Variants in CBX1 observed in about 807,000 individuals in gnomAD.
The protein encoded by CBX1 is chromobox 1, also known as chromobox protein homolog 1.
A neutral mutation model predicts 25.1 loss-of-function variants in CBX1; 10 were observed. The ratio of observed to expected loss-of-function variants is 0.40; its 90% CI spans 0.25 to 0.68. The LOEUF (loss-of-function observed/expected upper bound fraction) is 0.68, where lower values mean the gene tolerates loss of function less well. Ranked by LOEUF, CBX1 falls within the 30% of genes least tolerant of loss-of-function variation. CBX1 has a pLI of 0.40. For synonymous variants in CBX1, 63 were observed against 79.4 expected (o/e 0.79, Z 1.10); for missense variants, 106 against 218.5 (o/e 0.49, Z 3.25).
rs28640940 is a variant in CBX1, at chr17:48,077,445, G to T, written c.-37-404C>A. Among the ~76,000 whole-genome samples, 272 of 52,348 alleles carry T rather than the reference G, an allele frequency of 5.2e-3. 7 individuals are homozygous for T. Among genetic ancestry groups the T allele is most frequent in the Middle Eastern group, 0.023 (2 of 86 alleles). The allele number at this position is 52,348 out of a possible 152,430, so 34.3% of individuals were successfully genotyped here. On this transcript the variant is annotated intron_variant, in intron 1 of 4. Transcript: ENST00000225603. ...GCTAATTTTTGTTGTTTTTTTTTTT[G>T]TTTTTTTTGTTTTTTTTTTTTTAGT...
At chr17:48,092,798 T>C (rs943707689) in intron 1 of CBX1, among the ~76,000 whole-genome samples, 1 of 151,280 alleles carries the variant, frequency 6.6e-6, no homozygotes, top group Non-Finnish European at 1.5e-5. Flanking sequence ...AGGCCGGGCA[T>C]GGTGGCTCAG....
intron 2 of CBX1, 135 bp from the exon 3 acceptor site, chr17:48,076,313 T>C (rs2037674265): frequency 3.2e-6 from 2 of 619,560 alleles, no homozygotes; most frequent in Non-Finnish European, 2.6e-6. Context: ...AGCTTTTTAG[T>C]ATAAATAGAA....
In CBX1 at chr17:48,071,321, C is replaced by A. The variant is rs1174529365; in HGVS notation, c.*114G>T. ...CTGCAGGGCACAGAAACTATACTGGCTCTTCAAAGGACATCTTCTCAAGCC... is the reference window on the plus strand; with the variant it reads ...CTGCAGGGCACAGAAACTATACTGGATCTTCAAAGGACATCTTCTCAAGCC... On this transcript the variant is annotated 3_prime_UTR_variant, in exon 5 of 5. Transcript: ENST00000225603. The A allele has an allele frequency of 5.6e-6, 6 of 1,066,168 alleles. No individual in the cohort carries two copies. The highest frequency in any genetic ancestry group is 2.7e-6 in the Non-Finnish European group (2 of 748,380). 66.0% of individuals were successfully genotyped at this position (1,066,168 alleles called of 1,614,324 possible).
intron 1 of CBX1, among the ~76,000 whole-genome samples, chr17:48,097,607 A>T (rs1373529038): frequency 6.8e-6 from 1 of 147,980 alleles, no homozygotes; most frequent in Non-Finnish European, 1.5e-5. Context: ...ACAGAGCGAG[A>T]CTCTGTCTCA....
At chr17:48,092,077 G>A (rs1243578129) in intron 1 of CBX1, among the ~76,000 whole-genome samples, 1 of 129,998 alleles carries the variant, frequency 7.7e-6, no homozygotes, top group Non-Finnish European at 1.5e-5. Context: ...CACAACCTTC[G>A]CCTCCCAGGT....
chr17:48,082,501 C>CAAAAAAAA (rs572999255), intron 1 of CBX1, among the ~76,000 whole-genome samples: 1 of 53,752 alleles, frequency 1.9e-5, no homozygotes, highest in Non-Finnish European at 3.2e-5. Context: ...GACTCCATCT[C>CAAAAAAAA]AAAAAAAAAA....
intron 1 of CBX1, among the ~76,000 whole-genome samples, chr17:48,090,343 T>C (rs1179606855): frequency 1.3e-5 from 2 of 152,200 alleles, no homozygotes; most frequent in African/African-American, 4.8e-5. Context: ...ATATATTTTT[T>C]TCTAGCCAAT....
chr17:48,075,909 A>G, intron 3 of CBX1, 92 bp downstream of exon 3: 1 of 947,468 alleles, frequency 1.1e-6, no homozygotes, highest in Non-Finnish European at 1.6e-6. Flanking sequence ...CTAAGAAGAG[A>G]CAGCTGCTAA....
At chr17:48,098,886 G>T (rs2063391187) in intron 1 of CBX1, among the ~76,000 whole-genome samples, 1 of 152,052 alleles carries the variant, frequency 6.6e-6, no homozygotes, top group Admixed American at 6.6e-5. Context: ...AAAATTTAAT[G>T]AATTATTTTC....
At chr17:48,072,761 C>T (rs896375478) in intron 4 of CBX1, among the ~76,000 whole-genome samples, 3 of 150,384 alleles carry the variant, frequency 2.0e-5, no homozygotes, top group South Asian at 4.2e-4. Context: ...CCAGCCTGGG[C>T]GACAGAGTGA....
At chr17:48,081,617 C>T (rs1271402585) in intron 1 of CBX1, among the ~76,000 whole-genome samples, 1 of 151,926 alleles carries the variant, frequency 6.6e-6, no homozygotes, top group Admixed American at 6.6e-5. Context: ...TTTTTTAATA[C>T]TCTTAGTAGA....
intron 4 of CBX1, among the ~76,000 whole-genome samples, chr17:48,072,609 CCT>C (rs1338408768): frequency 6.6e-6 from 1 of 151,744 alleles, no homozygotes; most frequent in East Asian, 1.9e-4. Context: ...ACGGTGAAAC[CCT>C]GTCTCTACTA....
At chr17:48,094,715 C>T (rs182352817) in intron 1 of CBX1, among the ~76,000 whole-genome samples, 5 of 148,030 alleles carry the variant, frequency 3.4e-5, no homozygotes, top group East Asian at 3.9e-4. Flanking sequence ...GCCTGGGTGA[C>T]GGACCAAGAC....
rs1399889332 is a variant in CBX1, at chr17:48,101,301, G to A, written c.-71C>T. The A allele has an allele frequency of 1.8e-5, 18 of 986,252 alleles. No homozygotes were observed. Among genetic ancestry groups the A allele is most frequent in the Non-Finnish European group, 2.0e-5 (17 of 830,000 alleles). The allele number at this position is 986,252 out of a possible 1,614,324, so 61.1% of individuals were successfully genotyped here. A position where few individuals can be genotyped will look rare whatever the true frequency, so the allele number is the denominator to read the frequency against. ...AGCGCCCAAGAGCCCGAGAGGAATC[G>A]GTGCTGCGCTGCTGGCGCGTCGCGT... On this transcript the variant is annotated 5_prime_UTR_variant, in exon 1 of 5. Coordinates refer to ENST00000225603, the MANE Select transcript of CBX1 (RefSeq NM_001127228.2).
intron 1 of CBX1, chr17:48,100,862 A>G (rs2063405413): frequency 1.0e-6 from 1 of 985,264 alleles, no homozygotes; most frequent in Admixed American, 6.2e-5. Flanking sequence ...TCTTCCGAAT[A>G]CAGTTACAAA....
intron 1 of CBX1, among the ~76,000 whole-genome samples, chr17:48,091,507 T>C (rs1469621812): frequency 6.6e-6 from 1 of 150,508 alleles, no homozygotes; most frequent in Non-Finnish European, 1.5e-5. Context: ...CCCAAGTAGC[T>C]GGGATTACAG....
chr17:48,085,573 A>C (rs1024761267), intron 1 of CBX1, among the ~76,000 whole-genome samples: 7 of 152,016 alleles, frequency 4.6e-5, no homozygotes, highest in Non-Finnish European at 7.4e-5. Context: ...AAAAAAAAAA[A>C]ACAATGATTT....
chr17:48,079,121 C>T (rs548309933), intron 1 of CBX1, among the ~76,000 whole-genome samples: 2 of 147,540 alleles, frequency 1.4e-5, no homozygotes, highest in South Asian at 2.1e-4. Flanking sequence ...GCACCTCCCC[C>T]TCTTTGAGAT....
chr17:48,075,455 G>A (rs545751503), intron 3 of CBX1, among the ~76,000 whole-genome samples: 5 of 152,230 alleles, frequency 3.3e-5, no homozygotes, highest in African/African-American at 1.2e-4. Flanking sequence ...GGCCTCCCAA[G>A]GGGCTGGGAT....
Sources: allele counts gnomAD v4.1 joint callset (sites outside exome capture counted in the v4.1 genomes callset), GRCh38; gene constraint gnomAD v4.1.1; transcripts MANE v1.5; gene names NCBI Gene and HGNC (gene_info 2026-07-23, HGNC 2026-07-21).